Variants in TAFA2 observed in about 807,000 individuals in gnomAD.
TAFA2 encodes chemokine-like protein TAFA-2.
Under a neutral mutation model 18.8 loss-of-function variants are expected in TAFA2, and 7 were observed. That is an observed-to-expected ratio of 0.37 (90% CI 0.21 to 0.70). The LOEUF (loss-of-function observed/expected upper bound fraction) is 0.70. TAFA2 is among the 30% of genes least tolerant of loss of function. The pLI is 0.53. For missense variants in TAFA2, 122 were observed against 158.1 expected, an observed-to-expected ratio of 0.77 and a Z score of 1.23; for synonymous variants, 60 against 54.2, an observed-to-expected ratio of 1.11 and a Z score of -0.47.
chr12:62,181,992 C>CCCG (rs1052862077), intron 1 of TAFA2, among the ~76,000 whole-genome samples: 1 of 140,870 alleles, frequency 7.1e-6, no homozygotes, highest in African/African-American at 3.0e-5. Flanking sequence ...CAAGTCCATC[C>CCCG]CCCCCCCGCT....
chr12:61,789,766 T>C (rs1256859567), intron 2 of TAFA2, among the ~76,000 whole-genome samples: 2 of 151,862 alleles, frequency 1.3e-5, no homozygotes, highest in Admixed American at 6.6e-5. Context: ...CTTGGTGGTT[T>C]CACTGCTAAA....
chr12:62,235,704 C>T (rs1352429344), intron 1 of TAFA2, among the ~76,000 whole-genome samples: 1 of 151,990 alleles, frequency 6.6e-6, no homozygotes, highest in Non-Finnish European at 1.5e-5. Flanking sequence ...AAATTTGTTG[C>T]TTTTTATTTT....
At chr12:62,185,140 C>T (rs904826402) in intron 1 of TAFA2, among the ~76,000 whole-genome samples, 1 of 152,062 alleles carries the variant, frequency 6.6e-6, no homozygotes, top group Non-Finnish European at 1.5e-5. Flanking sequence ...TAGGGGTTGG[C>T]AATAATGTTT....
At chr12:62,128,752 T>C (rs1245492192) in intron 1 of TAFA2, among the ~76,000 whole-genome samples, 1 of 152,046 alleles carries the variant, frequency 6.6e-6, no homozygotes, top group African/African-American at 2.4e-5. Context: ...AAAGGAATCA[T>C]TGTTGCATAA....
intron 1 of TAFA2, among the ~76,000 whole-genome samples, chr12:62,061,833 T>C (rs1882356639): frequency 6.6e-6 from 1 of 152,114 alleles, no homozygotes; most frequent in Non-Finnish European, 1.5e-5. Context: ...TGAAGACATA[T>C]TAGTGGATAA....
chr12:62,004,024 C>T (rs1305058917), intron 1 of TAFA2, among the ~76,000 whole-genome samples: 3 of 152,004 alleles, frequency 2.0e-5, no homozygotes, highest in Non-Finnish European at 2.9e-5. Flanking sequence ...ATTGTAGATC[C>T]ACAAGTCCAT....
At chr12:62,095,743 C>G (rs1273014351) in intron 1 of TAFA2, among the ~76,000 whole-genome samples, 1 of 152,096 alleles carries the variant, frequency 6.6e-6, no homozygotes, top group Non-Finnish European at 1.5e-5. Flanking sequence ...TTGTTAGTCT[C>G]ATGTGTAGGC....
chr12:61,783,274 C>T (rs1033720631), intron 2 of TAFA2, among the ~76,000 whole-genome samples: 2 of 151,622 alleles, frequency 1.3e-5, no homozygotes, highest in Non-Finnish European at 3.0e-5. Flanking sequence ...ATTCATTTTA[C>T]ACAGAATTGT....
At chr12:61,902,816 G>A (rs1358937154) in intron 1 of TAFA2, among the ~76,000 whole-genome samples, 2 of 152,040 alleles carry the variant, frequency 1.3e-5, no homozygotes, top group Non-Finnish European at 2.9e-5. Flanking sequence ...AACATATCCT[G>A]AGTAGAGTGA....
At chr12:61,918,886 TA>T (rs1431974023) in intron 1 of TAFA2, among the ~76,000 whole-genome samples, 4 of 152,176 alleles carry the variant, frequency 2.6e-5, no homozygotes. Flanking sequence ...GTGCCATATT[TA>T]AAAGCTCTGG....
chr12:61,747,428 C>T (rs1241213051), intron 4 of TAFA2, among the ~76,000 whole-genome samples: 4 of 146,674 alleles, frequency 2.7e-5, no homozygotes, highest in East Asian at 2.0e-4. Flanking sequence ...ATGTTTATTG[C>T]GGCATTATTC....
chr12:61,783,293 G>T (rs1870583425), intron 2 of TAFA2, among the ~76,000 whole-genome samples: 2 of 151,656 alleles, frequency 1.3e-5, no homozygotes, highest in South Asian at 4.1e-4. Context: ...GTTGAATAAT[G>T]CTTCCTTGTT....
At chr12:62,015,993 G>A (rs1189279185) in intron 1 of TAFA2, among the ~76,000 whole-genome samples, 1 of 152,188 alleles carries the variant, frequency 6.6e-6, no homozygotes, top group Non-Finnish European at 1.5e-5. Flanking sequence ...AACGTTAATA[G>A]ATGTAATGCC....
chr12:62,207,861 T>C (rs1225261895), intron 1 of TAFA2, among the ~76,000 whole-genome samples: 1 of 152,182 alleles, frequency 6.6e-6, no homozygotes, highest in Non-Finnish European at 1.5e-5. Flanking sequence ...AGACACAGCA[T>C]CAGCTTCATG....
chr12:62,185,589 A>G (rs1053885944), intron 1 of TAFA2, among the ~76,000 whole-genome samples: 1 of 152,234 alleles, frequency 6.6e-6, no homozygotes, highest in African/African-American at 2.4e-5. Flanking sequence ...GGTAAAACTA[A>G]ACTAAGAAAG....
At chr12:62,145,042 T>G (rs1038470945) in intron 1 of TAFA2, among the ~76,000 whole-genome samples, 3 of 152,246 alleles carry the variant, frequency 2.0e-5, no homozygotes, top group Admixed American at 6.5e-5. Context: ...TCAAAGGTGA[T>G]GATCATTTAA....
At chr12:62,057,918 T>C (rs553739033) in intron 1 of TAFA2, among the ~76,000 whole-genome samples, 96 of 152,328 alleles carry the variant, frequency 6.3e-4, no homozygotes, top group African/African-American at 2.3e-3. Context: ...AGATCTCACT[T>C]AAGGAATCAC....
intron 2 of TAFA2, among the ~76,000 whole-genome samples, chr12:61,785,662 C>T (rs1870707612): frequency 6.6e-6 from 1 of 151,438 alleles, no homozygotes; most frequent in Admixed American, 6.6e-5. Flanking sequence ...TATCTCTCTG[C>T]ACTTCAGTAT....
intron 1 of TAFA2, among the ~76,000 whole-genome samples, chr12:61,972,764 G>A (rs1010803450): frequency 6.6e-6 from 1 of 151,532 alleles, no homozygotes; most frequent in African/African-American, 2.4e-5. Flanking sequence ...GGAAAGAGAC[G>A]GGGCAATGGG....
Sources: gnomAD v4.1 joint callset for allele counts (sites outside exome capture counted in the v4.1 genomes callset) on GRCh38, gnomAD v4.1.1 for gene constraint, MANE v1.5 for transcripts, NCBI Gene and HGNC (gene_info 2026-07-23, HGNC 2026-07-21) for gene names.